Variants in SH2D4B observed in about 807,000 individuals in gnomAD.
SH2D4B encodes SH2 domain containing 4B.
SH2D4B carries 45 observed loss-of-function variants against 61.5 expected under a neutral mutation model. The ratio of observed to expected loss-of-function variants is 0.73; its 90% CI spans 0.58 to 0.94. The LOEUF (loss-of-function observed/expected upper bound fraction) is 0.94, where lower values mean the gene tolerates loss of function less well. SH2D4B is among the 40% of genes least tolerant of loss of function. The pLI is 0.00. For missense variants in SH2D4B, 572 were observed against 574.2 expected (o/e 1.00, Z 0.04); for synonymous variants, 224 against 220.4 (o/e 1.02, Z -0.14).
chr10:80,624,052 G>A (rs1842746502), intron 6 of SH2D4B, among the ~76,000 whole-genome samples: 1 of 152,110 alleles, frequency 6.6e-6, no homozygotes, highest in South Asian at 2.1e-4. Flanking sequence ...CACTCCCCCA[G>A]CCGTATATTA....
intron 7 of SH2D4B, among the ~76,000 whole-genome samples, chr10:80,636,969 G>A (rs1255728069): frequency 6.6e-6 from 1 of 152,122 alleles, no homozygotes; most frequent in Admixed American, 6.5e-5. Flanking sequence ...TTTTGTATAA[G>A]GTATAAGGAA....
At chr10:80,540,303 T>C (rs1224506870) in intron 1 of SH2D4B, among the ~76,000 whole-genome samples, 2 of 152,128 alleles carry the variant, frequency 1.3e-5, no homozygotes, top group Non-Finnish European at 2.9e-5. Context: ...GGCATGCCAC[T>C]GGGGAGCCTG....
chr10:80,629,738 T>G (rs1358219760), intron 6 of SH2D4B, among the ~76,000 whole-genome samples: 8 of 152,230 alleles, frequency 5.3e-5, no homozygotes, highest in Non-Finnish European at 1.2e-4. Context: ...CTAAACGTAT[T>G]CATGCATTAA....
At chr10:80,610,443 G>A (rs556219945) in intron 6 of SH2D4B, among the ~76,000 whole-genome samples, 1 of 152,294 alleles carries the variant, frequency 6.6e-6, no homozygotes, top group South Asian at 2.1e-4. Context: ...TGTTTGGATT[G>A]GGATTAGATC....
At chr10:80,549,113 T>C (rs1841721251) in intron 1 of SH2D4B, among the ~76,000 whole-genome samples, 2 of 151,782 alleles carry the variant, frequency 1.3e-5, no homozygotes, top group South Asian at 4.2e-4. Flanking sequence ...GACTCCCTGA[T>C]TGTGATTGTG....
intron 4 of SH2D4B, 81 bp downstream of exon 4, chr10:80,588,858 G>A (rs559017277): frequency 3.4e-5 from 53 of 1,537,496 alleles, no homozygotes; most frequent in South Asian, 9.3e-5. Flanking sequence ...GTACTCATTC[G>A]TCATTTCCAT....
Position 80,538,639 on chromosome 10 carries a change from A to C in SH2D4B, c.184+124A>C. ...GGGTGATGAGGGCTGGGGGCTTGAAACCCTTGTCTTGTGGGCATCAGGTCC... is the reference window on the plus strand; with the variant it reads ...GGGTGATGAGGGCTGGGGGCTTGAACCCCTTGTCTTGTGGGCATCAGGTCC... On this transcript the variant is annotated intron_variant, in intron 1 of 7. Transcript: ENST00000646907. The surrounding 1 kb of genome is among the most constrained non-coding windows in gnomAD (Gnocchi z 4.8). 1 of 838,030 alleles carries C rather than the reference A, an allele frequency of 1.2e-6. No individual in the cohort carries two copies. The highest frequency in any genetic ancestry group is 1.6e-6 in the Non-Finnish European group (1 of 614,230). 51.9% of individuals were successfully genotyped at this position (838,030 alleles called of 1,614,324 possible).
chr10:80,568,321 A>C (rs560155288), intron 1 of SH2D4B, among the ~76,000 whole-genome samples: 1 of 152,278 alleles, frequency 6.6e-6, no homozygotes, highest in East Asian at 1.9e-4. Flanking sequence ...CCTTGAGTGA[A>C]GGAGAGGGCA....
intron 3 of SH2D4B, among the ~76,000 whole-genome samples, chr10:80,578,596 G>A (rs1294885870): frequency 6.6e-6 from 1 of 152,168 alleles, no homozygotes; most frequent in African/African-American, 2.4e-5. Flanking sequence ...GTTCATGATG[G>A]ATGGAGCCAG....
intron 1 of SH2D4B, among the ~76,000 whole-genome samples, chr10:80,563,530 A>G (rs1461022197): frequency 1.3e-5 from 2 of 152,198 alleles, no homozygotes; most frequent in Non-Finnish European, 2.9e-5. Context: ...GCCCAGATCA[A>G]TGCCATTTTA....
At chr10:80,578,077 C>T (rs1026331044) in intron 3 of SH2D4B, among the ~76,000 whole-genome samples, 2 of 151,690 alleles carry the variant, frequency 1.3e-5, no homozygotes, top group Non-Finnish European at 2.9e-5. Context: ...CTCTAGCCAT[C>T]GTCCCACTTC....
rs1841531915 is a variant in SH2D4B at position 80,538,303 on chromosome 10, C to G, written c.-29C>G. The stretch of plus-strand genomic sequence containing the variant: ...GGCCCTGCTTCCCCTGCTGGCTGCC[C>G]TTCTGGTGCGTGCATCCCAGGTGGC... On this transcript the variant is annotated 5_prime_UTR_variant, in exon 1 of 8. Transcript: ENST00000646907. The surrounding 1 kb of genome is among the most constrained non-coding windows in gnomAD (Gnocchi z 4.8). 7 of 1,295,864 alleles carry G rather than the reference C, an allele frequency of 5.4e-6. No individual in the cohort carries two copies. The East Asian group carries it at 2.2e-4, about 40-fold the overall frequency. 80.3% of individuals were successfully genotyped at this position (1,295,864 alleles called of 1,614,324 possible).
At chr10:80,540,815 G>T in intron 1 of SH2D4B, 1 of 1,549,372 alleles carries the variant, frequency 6.5e-7, no homozygotes, top group Non-Finnish European at 8.7e-7. Context: ...GTGAGGCTTG[G>T]TTCAAAGCAG....
chr10:80,559,911 A>C (rs1841882423), intron 1 of SH2D4B, among the ~76,000 whole-genome samples: 1 of 150,902 alleles, frequency 6.6e-6, no homozygotes, highest in Non-Finnish European at 1.5e-5. Context: ...GTGGTTCTGC[A>C]TTTTTAAAAG....
rs1840376790 is a variant in SH2D4B at position 80,645,129 on chromosome 10, C to T, written c.*1044C>T. The T allele has an allele frequency of 6.6e-6, 1 of 152,152 alleles. No individual in the cohort carries two copies. Among genetic ancestry groups the T allele is most frequent in the African/African-American group, 2.4e-5 (1 of 41,440 alleles). The allele number at this position is 152,152 out of a possible 1,614,324, so 9.4% of individuals were successfully genotyped here. A position where few individuals can be genotyped will look rare whatever the true frequency, so the allele number is the denominator to read the frequency against. On this transcript the variant is annotated 3_prime_UTR_variant, in exon 8 of 8. Transcript: ENST00000646907. The stretch of plus-strand genomic sequence containing the variant: ...AGAAGACTTGGGTTCATATCCTAAC[C>T]CTGGAACTTACTAGCATTATAATGC...
At chr10:80,560,551 A>T (rs2132112008) in intron 1 of SH2D4B, among the ~76,000 whole-genome samples, 2 of 151,596 alleles carry the variant, frequency 1.3e-5, no homozygotes, top group Admixed American at 1.3e-4. Flanking sequence ...ACACCTGGCT[A>T]ATTTTTTTTT....
intron 3 of SH2D4B, among the ~76,000 whole-genome samples, chr10:80,575,472 G>A (rs781357007): frequency 7.9e-5 from 12 of 152,010 alleles, no homozygotes; most frequent in Non-Finnish European, 1.8e-4. Context: ...AGAAACAAAG[G>A]GATGTGGGCT....
chr10:80,616,499 GC>G (rs1253410988), intron 6 of SH2D4B, among the ~76,000 whole-genome samples: 4 of 152,174 alleles, frequency 2.6e-5, no homozygotes, highest in African/African-American at 9.7e-5. Context: ...CTGTAGGAAA[GC>G]GTAGGTTGTA....
intron 1 of SH2D4B, among the ~76,000 whole-genome samples, chr10:80,557,002 C>G (rs776524388): frequency 6.6e-6 from 1 of 152,024 alleles, no homozygotes; most frequent in Non-Finnish European, 1.5e-5. Flanking sequence ...ATTCAATCTC[C>G]GGTCATTAAG....
Sources: gnomAD v4.1 joint callset for allele counts (sites outside exome capture counted in the v4.1 genomes callset) on GRCh38, gnomAD v4.1.1 for gene constraint, Gnocchi (gnomAD v3.1) non-coding constraint, MANE v1.5 for transcripts, NCBI Gene and HGNC (gene_info 2026-07-23, HGNC 2026-07-21) for gene names.